Variants in CCBE1 observed in about 807,000 individuals in gnomAD.
CCBE1 encodes collagen and calcium binding EGF domains 1.
Under a neutral mutation model 50.0 loss-of-function variants are expected in CCBE1, and 37 were observed. The ratio of observed to expected loss-of-function variants is 0.74; its 90% confidence interval spans 0.57 to 0.97. CCBE1 has a LOEUF of 0.97. Ranked by LOEUF, CCBE1 falls within the 50% of genes least tolerant of loss-of-function variation. CCBE1 has a pLI of 0.00. For missense variants in CCBE1, 538 were observed against 523.8 expected (o/e 1.03, Z -0.26); for synonymous variants, 234 against 203.7 (o/e 1.15, Z -1.27).
intron 5 of CCBE1, among the ~76,000 whole-genome samples, chr18:59,456,087 T>C (rs921062773): frequency 3.3e-5 from 5 of 152,132 alleles, no homozygotes; most frequent in Non-Finnish European, 7.3e-5. Context: ...CCATGAAGCC[T>C]GCTCTCTACC....
At chr18:59,587,925 A>G (rs947039963) in intron 2 of CCBE1, among the ~76,000 whole-genome samples, 1 of 152,218 alleles carries the variant, frequency 6.6e-6, no homozygotes, top group Non-Finnish European at 1.5e-5. Flanking sequence ...AGGAGCCAGC[A>G]ATAAGTTGGA....
intron 2 of CCBE1, among the ~76,000 whole-genome samples, chr18:59,528,055 G>T (rs186807562): frequency 3.3e-5 from 5 of 152,288 alleles, no homozygotes; most frequent in African/African-American, 1.2e-4. Flanking sequence ...TCTCCTGGAT[G>T]ATATCCTGGA....
At chr18:59,615,514 AC>A (rs1365011680) in intron 2 of CCBE1, among the ~76,000 whole-genome samples, 10 of 150,828 alleles carry the variant, frequency 6.6e-5, no homozygotes, top group African/African-American at 2.5e-4. Flanking sequence ...AAAAAAAAAG[AC>A]AGAAGAGATC....
chr18:59,682,688 C>A (rs906861148), intron 2 of CCBE1, among the ~76,000 whole-genome samples: 1 of 152,108 alleles, frequency 6.6e-6, no homozygotes, highest in Non-Finnish European at 1.5e-5. Context: ...TAGAATAAAC[C>A]CATTTCTGTA....
intron 2 of CCBE1, among the ~76,000 whole-genome samples, chr18:59,531,649 G>A (rs1915056176): frequency 6.6e-6 from 1 of 152,132 alleles, no homozygotes; most frequent in Non-Finnish European, 1.5e-5. Flanking sequence ...TTGAGAGGCT[G>A]AGGCGGATCA....
At chr18:59,533,353 G>A (rs1324822022) in intron 2 of CCBE1, among the ~76,000 whole-genome samples, 1 of 152,104 alleles carries the variant, frequency 6.6e-6, no homozygotes, top group Non-Finnish European at 1.5e-5. Flanking sequence ...TTAAGCCAAG[G>A]TAAACTTTGT....
intron 9 of CCBE1, among the ~76,000 whole-genome samples, chr18:59,438,878 G>A (rs1006997858): frequency 2.0e-4 from 30 of 152,036 alleles, no homozygotes; most frequent in South Asian, 6.2e-4. Flanking sequence ...GGCCGGGAGC[G>A]GTGCCTCACA....
chr18:59,697,479 G>C, upstream of CCBE1: 3 of 1,160,448 alleles, frequency 2.6e-6, 1 homozygote, highest in South Asian at 4.8e-5. Flanking sequence ...CCTGCACGGG[G>C]AGCAGGGGTC....
chr18:59,553,692 T>C (rs1163947157), intron 2 of CCBE1, among the ~76,000 whole-genome samples: 1 of 152,216 alleles, frequency 6.6e-6, no homozygotes, highest in South Asian at 2.1e-4. Flanking sequence ...TAGGCAGCCT[T>C]CTGCTACTGA....
chr18:59,562,623 A>G (rs2052757471), intron 2 of CCBE1, among the ~76,000 whole-genome samples: 1 of 152,226 alleles, frequency 6.6e-6, no homozygotes, highest in Admixed American at 6.5e-5. Context: ...GCCGGAATCC[A>G]GGTGTTTTTC....
chr18:59,697,309 C>T lies in CCBE1; in HGVS notation c.34G>A (p.Ala12Thr). The change falls in exon 1 of 11, where the codon GCC becomes ACC. Residue 12 changes from alanine (A) to threonine (T), a missense_variant. By Grantham distance (58) the Ala-to-Thr change is moderately conservative (BLOSUM62 0). Coordinates refer to ENST00000439986, the MANE Select transcript of CCBE1 (RefSeq NM_133459.4). Reference sequence around the variant, plus strand: ...AGGCTCCTGCCCAGCTGGCCCCTGGCAGCTCCTCCCCGGCTCGGAGGCGGC... The same window carrying T: ...AGGCTCCTGCCCAGCTGGCCCCTGGTAGCTCCTCCCCGGCTCGGAGGCGGC... ...VPPPPSRGGA[A>T]RGQLGRSLGP... is the part of the protein sequence containing the mutation. 6.5e-7 allele frequency: 1 copy of T among 1,549,048 alleles called. No individual in the cohort carries two copies. Among genetic ancestry groups the T allele is most frequent in the Non-Finnish European group, 8.7e-7 (1 of 1,146,906 alleles).
In CCBE1 at chr18:59,469,913, G is replaced by A. The variant is rs145644248; in HGVS notation, c.266-306C>T. Among the ~76,000 whole-genome samples the A allele has an allele frequency of 1.6e-3, 245 of 152,252 alleles. 2 individuals are homozygous for A. Among genetic ancestry groups the A allele is most frequent in the African/African-American group, 5.3e-3 (221 of 41,528 alleles). On this transcript the variant is annotated intron_variant, in intron 3 of 10. Transcript: ENST00000439986. ...AGGGCCAGCCTCTGCGGATTCCCTC[G>A]GGGTTGGGGGTGCTGTTTTGTCTTG...
intron 2 of CCBE1, among the ~76,000 whole-genome samples, chr18:59,664,854 T>C (rs1316071096): frequency 2.6e-5 from 4 of 152,158 alleles, no homozygotes; most frequent in Admixed American, 1.3e-4. Flanking sequence ...AATTATAAAA[T>C]AGGCAAATGC....
chr18:59,594,654 G>A (rs1429477614), intron 2 of CCBE1, among the ~76,000 whole-genome samples: 1 of 152,068 alleles, frequency 6.6e-6, no homozygotes, highest in African/African-American at 2.4e-5. Context: ...TCTTAAAAGG[G>A]GAAAAGATCT....
rs200441731 is a variant in CCBE1 at position 59,696,600 on chromosome 18, C to T, written c.212+29G>A. On this transcript the variant is annotated intron_variant, in intron 2 of 10. Transcript: ENST00000439986. ...CCCAGCCAGCCCCGGTGCGCAGTGG[C>T]GAACAGCCCGCAGAGCCCCCAGGCT... The T allele has an allele frequency of 8.8e-5, 142 of 1,612,730 alleles. 4 individuals carry two copies. In the East Asian group the frequency reaches 3.1e-3, roughly 35 times the overall value.
intron 2 of CCBE1, among the ~76,000 whole-genome samples, chr18:59,625,490 G>A (rs529438944): frequency 6.6e-6 from 1 of 151,642 alleles, no homozygotes; most frequent in Non-Finnish European, 1.5e-5. Context: ...GGGACTTCTG[G>A]AGATTCATCA....
chr18:59,556,410 C>T (rs1326944864), intron 2 of CCBE1, among the ~76,000 whole-genome samples: 1 of 152,152 alleles, frequency 6.6e-6, no homozygotes, highest in African/African-American at 2.4e-5. Context: ...CCTGCAGTAA[C>T]ATATGCCTCC....
intron 2 of CCBE1, among the ~76,000 whole-genome samples, chr18:59,594,162 A>C (rs2053316760): frequency 6.6e-6 from 1 of 152,214 alleles, no homozygotes; most frequent in Non-Finnish European, 1.5e-5. Flanking sequence ...AAGCTTGATT[A>C]CCTATCCTCC....
In CCBE1 at chr18:59,433,729, C is replaced by T. The variant is rs567644062; in HGVS notation, c.*2179G>A. On this transcript the variant is annotated 3_prime_UTR_variant, in exon 11 of 11. Transcript: ENST00000439986. Reference sequence around the variant, plus strand: ...ACGCCATTCTCCTGCCTCAGCCTCCCGAGCAGCTGGGACCACAGGCGCCCA... The same window carrying T: ...ACGCCATTCTCCTGCCTCAGCCTCCTGAGCAGCTGGGACCACAGGCGCCCA... 1.3e-5 allele frequency: 2 copies of T among 151,538 alleles called. No individual in the cohort carries two copies. The highest frequency in any genetic ancestry group is 2.1e-4 in the South Asian group (1 of 4,758). The allele number at this position is 151,538 out of a possible 1,614,324, so 9.4% of individuals were successfully genotyped here.
Sources: allele counts gnomAD v4.1 joint callset (sites outside exome capture counted in the v4.1 genomes callset), GRCh38; gene constraint gnomAD v4.1.1; transcripts MANE v1.5; gene names NCBI Gene and HGNC (gene_info 2026-07-23, HGNC 2026-07-21).